The following CD86 variants were observed in gnomAD, a reference collection of about 807,000 sequenced individuals.
CD86 encodes CD86 molecule, also known as T-lymphocyte activation antigen CD86.
In CD86, 11 loss-of-function variants were observed where a neutral mutation model predicts 32.1. The observed-to-expected ratio is 0.34, with a 90% CI of 0.22 to 0.57. The LOEUF (loss-of-function observed/expected upper bound fraction) is 0.57. Ranked by LOEUF, CD86 falls within the 20% of genes least tolerant of loss-of-function variation. The pLI, the probability that CD86 is intolerant of heterozygous loss-of-function variation, is 0.86. For synonymous variants in CD86, 137 were observed against 135.3 expected, an observed-to-expected ratio of 1.01 and a Z score of -0.09; for missense variants, 359 against 398.4, an observed-to-expected ratio of 0.90 and a Z score of 0.84.
At chr3:122,088,763 G>C (rs2072766348) in intron 1 of CD86, among the ~76,000 whole-genome samples, 1 of 152,216 alleles carries the variant, frequency 6.6e-6, no homozygotes, top group Non-Finnish European at 1.5e-5. Context: ...ATGGAAAATA[G>C]TGTAGCAGTT....
chr3:122,070,222 G>A (rs749221538), intron 1 of CD86, among the ~76,000 whole-genome samples: 45 of 152,234 alleles, frequency 3.0e-4, no homozygotes, highest in Admixed American at 1.5e-3. Context: ...ATGTGTCCCT[G>A]GGTCCTAGTT....
At chr3:122,089,201 G>A (rs2072773486) in intron 1 of CD86, among the ~76,000 whole-genome samples, 1 of 152,158 alleles carries the variant, frequency 6.6e-6, no homozygotes, top group African/African-American at 2.4e-5. Context: ...TGTTTAATAG[G>A]TATAGAGGCT....
intron 5 of CD86, among the ~76,000 whole-genome samples, chr3:122,115,926 A>T (rs184515121): frequency 2.8e-4 from 43 of 152,280 alleles, no homozygotes; most frequent in Admixed American, 2.6e-3. Flanking sequence ...AGGTAATTCC[A>T]TGCAGAAAGG....
intron 1 of CD86, among the ~76,000 whole-genome samples, chr3:122,057,101 A>G (rs1389865881): frequency 6.6e-6 from 1 of 152,246 alleles, no homozygotes; most frequent in African/African-American, 2.4e-5. Context: ...CAAGCAATCA[A>G]GAACCCTCTA....
At position 122,119,666 on chromosome 3, in the gene CD86, C is replaced by T. The variant is rs971932918; in HGVS notation, c.*132C>T. 49 of 625,984 alleles carry T rather than the reference C, an allele frequency of 7.8e-5. No individual in the cohort carries two copies. The African/African-American group carries it at 8.5e-4, about 11-fold the overall frequency. The allele number at this position is 625,984 out of a possible 1,614,324, so 38.8% of individuals were successfully genotyped here. A position where few individuals can be genotyped will look rare whatever the true frequency, so the allele number is the denominator to read the frequency against. On this transcript the variant is annotated 3_prime_UTR_variant, in exon 7 of 7. Coordinates refer to ENST00000330540, the MANE Select transcript of CD86 (RefSeq NM_175862.5). ...AGTAATAAGGGGGCTCCAGGACTCC[C>T]TCTAAGTGGAATAGCCTCCCTGTAA...
rs1216495070 is a variant in CD86, at chr3:122,106,094, GT to G, written c.401-103del. On this transcript the variant is annotated intron_variant, in intron 3 of 6. Coordinates refer to ENST00000330540, the MANE Select transcript of CD86 (RefSeq NM_175862.5). The stretch of plus-strand genomic sequence containing the variant: ...ATTTTAGACACCCTGAGGCTCCCAG[GT>G]GTGCCCCAATGAGCCCCAGATCAAG... 15 of 812,408 alleles carry G rather than the reference GT, an allele frequency of 1.8e-5. No homozygotes were observed. In the East Asian group the frequency reaches 4.0e-4, roughly 22 times the overall value. 50.3% of individuals were successfully genotyped at this position (812,408 alleles called of 1,614,324 possible).
intron 2 of CD86, among the ~76,000 whole-genome samples, chr3:122,096,171 T>C (rs2072903701): frequency 6.6e-6 from 1 of 152,218 alleles, no homozygotes; most frequent in Non-Finnish European, 1.5e-5. Flanking sequence ...GCTCAAGAGA[T>C]GTTTCTGCCT....
intron 1 of CD86, among the ~76,000 whole-genome samples, chr3:122,060,430 G>A (rs771428721): frequency 2.0e-5 from 3 of 152,034 alleles, no homozygotes; most frequent in South Asian, 2.1e-4. Context: ...CTCTGCTGTC[G>A]GTGGAAATAA....
chr3:122,108,911 G>C (rs2073130952), intron 4 of CD86, among the ~76,000 whole-genome samples: 1 of 152,202 alleles, frequency 6.6e-6, no homozygotes. Flanking sequence ...CAGGATAGCA[G>C]GCACGGCACA....
At chr3:122,105,235 TCTAA>T (rs2073072948) in intron 3 of CD86, among the ~76,000 whole-genome samples, 1 of 152,216 alleles carries the variant, frequency 6.6e-6, no homozygotes, top group Admixed American at 6.5e-5. Flanking sequence ...TTAGAAAAAC[TCTAA>T]CTTACGCAAC....
intron 1 of CD86, among the ~76,000 whole-genome samples, chr3:122,060,605 T>A (rs988911997): frequency 6.6e-6 from 1 of 151,726 alleles, no homozygotes; most frequent in Non-Finnish European, 1.5e-5. Flanking sequence ...CTGAGCAACA[T>A]AGCGAGACTC....
At position 122,091,593 on chromosome 3, in the gene CD86, G is replaced by C. The variant is rs543589700; in HGVS notation, c.15-8G>C. On this transcript the variant is annotated splice_region_variant and splice_polypyrimidine_tract_variant and intron_variant, in intron 1 of 6. Coordinates refer to ENST00000330540, the MANE Select transcript of CD86 (RefSeq NM_175862.5). ...ATCAAGTTTTACCTTTTTTTTTCTC[G>C]ACTCTAGCACTATGGGACTGAGTAA... 6 of 1,599,104 alleles carry C rather than the reference G, an allele frequency of 3.8e-6. No individual in the cohort carries two copies. Among genetic ancestry groups the C allele is most frequent in the African/African-American group, 2.7e-5 (2 of 73,620 alleles).
At chr3:122,084,361 A>G (rs2072682552) in intron 1 of CD86, among the ~76,000 whole-genome samples, 1 of 152,224 alleles carries the variant, frequency 6.6e-6, no homozygotes, top group Non-Finnish European at 1.5e-5. Context: ...GGCCACATAG[A>G]AAATGTTTTC....
At chr3:122,084,860 G>A (rs951124190) in intron 1 of CD86, among the ~76,000 whole-genome samples, 5 of 152,206 alleles carry the variant, frequency 3.3e-5, no homozygotes, top group African/African-American at 1.2e-4. Flanking sequence ...TTCATGGGAG[G>A]AGGAGTAGCC....
intron 1 of CD86, among the ~76,000 whole-genome samples, chr3:122,079,191 T>A (rs528337138): frequency 6.6e-6 from 1 of 152,218 alleles, no homozygotes; most frequent in Non-Finnish European, 1.5e-5. Flanking sequence ...AATTGTTCTA[T>A]GTGACTATAT....
At chr3:122,092,857 A>G (rs1023955581) in intron 2 of CD86, among the ~76,000 whole-genome samples, 3 of 152,222 alleles carry the variant, frequency 2.0e-5, no homozygotes, top group Non-Finnish European at 4.4e-5. Flanking sequence ...ATGAGGAGTC[A>G]GGGAACTACA....
intron 1 of CD86, among the ~76,000 whole-genome samples, chr3:122,088,533 G>A (rs2072761993): frequency 6.6e-6 from 1 of 152,158 alleles, no homozygotes; most frequent in Admixed American, 6.5e-5. Context: ...ATAGATTTCA[G>A]AGTTTGGGCA....
intron 1 of CD86, among the ~76,000 whole-genome samples, chr3:122,070,144 G>A (rs1377639391): frequency 2.0e-5 from 3 of 152,134 alleles, no homozygotes; most frequent in Non-Finnish European, 4.4e-5. Context: ...TTCACTTGTA[G>A]AATCCTGAAA....
intron 2 of CD86, among the ~76,000 whole-genome samples, chr3:122,102,344 A>G (rs1169727905): frequency 6.7e-6 from 1 of 149,632 alleles, no homozygotes; most frequent in African/African-American, 2.5e-5. Context: ...ATCTAACTTC[A>G]TATTAAGTAA....
Sources: gnomAD v4.1 joint callset for allele counts (sites outside exome capture counted in the v4.1 genomes callset) on GRCh38, gnomAD v4.1.1 for gene constraint, MANE v1.5 for transcripts, NCBI Gene and HGNC (gene_info 2026-07-23, HGNC 2026-07-21) for gene names.